RAB3GAP2: variants seen among roughly 807,000 people sequenced by gnomAD.
RAB3GAP2 encodes rab3 GTPase-activating protein non-catalytic subunit.
A neutral mutation model predicts 185.3 loss-of-function variants in RAB3GAP2; 87 were observed. That is an observed-to-expected ratio of 0.47 (90% CI 0.39 to 0.56). The LOEUF (loss-of-function observed/expected upper bound fraction) is 0.56. RAB3GAP2 is among the 20% of genes least tolerant of loss of function. RAB3GAP2 has a pLI of 0.00. For synonymous variants in RAB3GAP2, 554 were observed against 576.1 expected, an observed-to-expected ratio of 0.96 and a Z score of 0.55; for missense variants, 1,492 against 1,638.2, an observed-to-expected ratio of 0.91 and a Z score of 1.54.
chr1:220,194,433 C>T (rs990568153), intron 12 of RAB3GAP2, among the ~76,000 whole-genome samples: 1 of 152,028 alleles, frequency 6.6e-6, no homozygotes, highest in Non-Finnish European at 1.5e-5. Flanking sequence ...GCTCTTGTCC[C>T]CCACTCTGGA....
rs1455740414 is a variant in RAB3GAP2 at position 220,196,371 on chromosome 1, T to C, written c.839A>G (p.Gln280Arg). 1.9e-5 allele frequency: 30 copies of C among 1,606,002 alleles called. No homozygotes were observed. Among genetic ancestry groups the C allele is most frequent in the Non-Finnish European group, 2.6e-5 (30 of 1,173,102 alleles). ...ACCTATATTGGAGGCAGTCTTCATT[T>C]GATCAAAGGGGGACAGAGTCATAAT... is the stretch of plus-strand genomic sequence containing the variant. ...VGIMTLSPFD[Q>R]MKTASNIGGF... The change falls in exon 10 of 35, where the codon CAA becomes CGA. Residue 280 changes from glutamine (Q) to arginine (R), a missense_variant. Gln to Arg is a conservative substitution (Grantham distance 43). Around this residue, in one of 5 missense-constraint regions of RAB3GAP2, gnomAD observed 243 missense variants for 314.8 expected, o/e 0.77. Transcript: ENST00000358951.
chr1:220,164,795 G>A lies in RAB3GAP2; in HGVS notation c.3092C>T (p.Ala1031Val). The change falls in exon 27 of 35, where the codon GCA becomes GTA. Residue 1031 changes from alanine to valine, a missense_variant. Coordinates refer to ENST00000358951, the MANE Select transcript of RAB3GAP2 (RefSeq NM_012414.4). ...TTCTATTGACCTAACAAAAAAACGT[G>A]CTTCCTTACATACAGGGAGAAAAAA... is the stretch of plus-strand genomic sequence containing the variant. ...VVQWNKDPEE[A>V]RFFVRSIEHL... is the part of the protein sequence containing the mutation. 1 of 1,607,676 alleles carries A rather than the reference G, an allele frequency of 6.2e-7. No homozygotes were observed. The highest frequency in any genetic ancestry group is 8.5e-7 in the Non-Finnish European group (1 of 1,176,072).
At chr1:220,262,595 C>T (rs1233175987) in intron 1 of RAB3GAP2, among the ~76,000 whole-genome samples, 1 of 152,208 alleles carries the variant, frequency 6.6e-6, no homozygotes, top group Non-Finnish European at 1.5e-5. Flanking sequence ...TGGAATATTT[C>T]ACTTAGCATA....
At chr1:220,216,193 G>A (rs796929971) in intron 2 of RAB3GAP2, among the ~76,000 whole-genome samples, 6 of 152,220 alleles carry the variant, frequency 3.9e-5, no homozygotes, top group African/African-American at 1.4e-4. Context: ...TTTTTCTCAA[G>A]CAAAATAAGC....
intron 12 of RAB3GAP2, among the ~76,000 whole-genome samples, chr1:220,194,131 A>G (rs1374196900): frequency 6.6e-6 from 1 of 152,202 alleles, no homozygotes; most frequent in Non-Finnish European, 1.5e-5. Flanking sequence ...AAGAACATCC[A>G]TAAAGAGGAG....
chr1:220,197,763 CAATA>C (rs1558152120), intron 9 of RAB3GAP2, among the ~76,000 whole-genome samples: 2 of 152,098 alleles, frequency 1.3e-5, no homozygotes, highest in African/African-American at 2.4e-5. Context: ...GACAATTTTG[CAATA>C]GATATGCAAT....
In RAB3GAP2 at chr1:220,217,905, G is replaced by C. The variant is rs1224567566; in HGVS notation, c.181-3926C>G. On this transcript the variant is annotated intron_variant, in intron 2 of 34. Transcript: ENST00000358951. ...TTCTTAGTTGGGCCTAAAACTCGGTGTCAGATTATGATCAAGCTGCTGCTA... is the reference window on the plus strand; with the variant it reads ...TTCTTAGTTGGGCCTAAAACTCGGTCTCAGATTATGATCAAGCTGCTGCTA... Among the ~76,000 whole-genome samples the C allele has an allele frequency of 3.9e-5, 6 of 152,282 alleles. No individual in the cohort carries two copies. In the East Asian group the frequency reaches 1.2e-3, roughly 29 times the overall value.
chr1:220,206,706 T>C (rs1658975299), intron 7 of RAB3GAP2, among the ~76,000 whole-genome samples: 1 of 152,190 alleles, frequency 6.6e-6, no homozygotes, highest in African/African-American at 2.4e-5. Flanking sequence ...CTGAACTCAT[T>C]AACCATGGCT....
In RAB3GAP2 at chr1:220,148,614, T is replaced by TGTAA. The variant is rs1003328920; in HGVS notation, c.*2633_*2636dup. 4 of 152,328 alleles carry TGTAA rather than the reference T, an allele frequency of 2.6e-5. No homozygotes were observed. Among genetic ancestry groups the TGTAA allele is most frequent in the African/African-American group, 9.6e-5 (4 of 41,584 alleles). The allele number at this position is 152,328 out of a possible 1,614,324, so 9.4% of individuals were successfully genotyped here. A position where few individuals can be genotyped will look rare whatever the true frequency, so the allele number is the denominator to read the frequency against. ...ACTTCTAAATGAACATTATATTCAG[T>TGTAA]GTAAGTCTCATATTATTAAATTTCA... is the stretch of plus-strand genomic sequence containing the variant. On this transcript the variant is annotated 3_prime_UTR_variant, in exon 35 of 35. Transcript: ENST00000358951.
intron 1 of RAB3GAP2, among the ~76,000 whole-genome samples, chr1:220,240,722 T>A (rs1217388035): frequency 6.6e-6 from 1 of 152,122 alleles, no homozygotes; most frequent in Non-Finnish European, 1.5e-5. Flanking sequence ...AAAAAGCAAC[T>A]GCATCCTCAT....
intron 3 of RAB3GAP2, among the ~76,000 whole-genome samples, chr1:220,213,386 G>C (rs1659119175): frequency 6.6e-6 from 1 of 151,812 alleles, no homozygotes; most frequent in African/African-American, 2.4e-5. Context: ...TGATCAGTAA[G>C]GTTTGGAGAT....
At chr1:220,256,251 C>T (rs752898803) in intron 1 of RAB3GAP2, among the ~76,000 whole-genome samples, 17 of 152,112 alleles carry the variant, frequency 1.1e-4, no homozygotes, top group Non-Finnish European at 2.4e-4. Flanking sequence ...GAGCTCCTGA[C>T]GGAAGCACTA....
At chr1:220,187,323 A>G (rs960966867) in intron 17 of RAB3GAP2, among the ~76,000 whole-genome samples, 3 of 152,080 alleles carry the variant, frequency 2.0e-5, no homozygotes, top group Non-Finnish European at 4.4e-5. Context: ...AGGTGCTAGG[A>G]GAACCTTTTG....
intron 1 of RAB3GAP2, among the ~76,000 whole-genome samples, chr1:220,269,843 C>A (rs886275785): frequency 6.6e-6 from 1 of 152,160 alleles, no homozygotes; most frequent in African/African-American, 2.4e-5. Flanking sequence ...AGACACATAT[C>A]ATATCATAGC....
intron 1 of RAB3GAP2, among the ~76,000 whole-genome samples, chr1:220,264,517 C>T (rs975773833): frequency 6.6e-6 from 1 of 151,946 alleles, no homozygotes; most frequent in Admixed American, 6.5e-5. Flanking sequence ...AAATGATTTA[C>T]TTAAAATCAT....
In RAB3GAP2 at chr1:220,218,207, T is replaced by G. The variant is rs1659234455; in HGVS notation, c.181-4228A>C. ...AATAAAGAAGCAAAAAGCCAAAATC[T>G]TCCATCATTCTTTACTGCAGTTTAT... is the stretch of plus-strand genomic sequence containing the variant. On this transcript the variant is annotated intron_variant, in intron 2 of 34. Transcript: ENST00000358951. Among the ~76,000 whole-genome samples the G allele has an allele frequency of 2.6e-5, 4 of 152,182 alleles. No individual in the cohort carries two copies. The South Asian group carries it at 8.3e-4, about 31-fold the overall frequency.
intron 2 of RAB3GAP2, among the ~76,000 whole-genome samples, chr1:220,217,733 A>C (rs1446975201): frequency 1.3e-5 from 2 of 152,230 alleles, no homozygotes; most frequent in East Asian, 3.8e-4. Context: ...AACAATGAAC[A>C]ATCAACCTAA....
chr1:220,171,680 G>C (rs986108521), intron 23 of RAB3GAP2, among the ~76,000 whole-genome samples: 1 of 152,070 alleles, frequency 6.6e-6, no homozygotes, highest in Non-Finnish European at 1.5e-5. Context: ...GAGTCCTCAA[G>C]AGATGAGAAA....
chr1:220,223,481 C>T (rs1659345527), intron 2 of RAB3GAP2, among the ~76,000 whole-genome samples: 1 of 151,952 alleles, frequency 6.6e-6, no homozygotes, highest in South Asian at 2.1e-4. Context: ...GAAAGAATGA[C>T]AAACTTTACC....
Sources: gnomAD v4.1 joint callset for allele counts (sites outside exome capture counted in the v4.1 genomes callset) on GRCh38, gnomAD v4.1.1 for gene constraint, gnomAD v4.1.1 regional missense constraint, MANE v1.5 for transcripts, NCBI Gene and HGNC (gene_info 2026-07-23, HGNC 2026-07-21) for gene names.